CYTH3: variants seen among roughly 807,000 people sequenced by gnomAD.
CYTH3 encodes cytohesin 3.
Under a neutral mutation model 55.1 loss-of-function variants are expected in CYTH3, and 23 were observed. The ratio of observed to expected loss-of-function variants is 0.42; its 90% CI spans 0.30 to 0.59. The LOEUF (loss-of-function observed/expected upper bound fraction) is 0.59. CYTH3 is among the 20% of genes least tolerant of loss of function. The pLI is 0.20. For synonymous variants in CYTH3, 249 were observed against 194.9 expected (o/e 1.28, Z -2.31); for missense variants, 413 against 524.8 (o/e 0.79, Z 2.08).
intron 1 of CYTH3, among the ~76,000 whole-genome samples, chr7:6,201,407 C>A (rs1784056874): frequency 6.6e-6 from 1 of 152,234 alleles, no homozygotes; most frequent in East Asian, 1.9e-4. Context: ...TCTCCTCAAT[C>A]TCCATGTGGT....
At chr7:6,175,835 C>T (rs1360298899) in intron 5 of CYTH3, among the ~76,000 whole-genome samples, 2 of 152,108 alleles carry the variant, frequency 1.3e-5, no homozygotes, top group Non-Finnish European at 2.9e-5. Context: ...AGTGAGTCAC[C>T]GTGCCTGGCC....
At chr7:6,264,410 G>A (rs570866198) in intron 1 of CYTH3, among the ~76,000 whole-genome samples, 1 of 152,048 alleles carries the variant, frequency 6.6e-6, no homozygotes, top group South Asian at 2.1e-4. Flanking sequence ...TCAGGAGTTC[G>A]AGAGCAGCCT....
intron 1 of CYTH3, among the ~76,000 whole-genome samples, chr7:6,259,773 T>TATATATATA (rs369784316): frequency 4.5e-5 from 1 of 22,296 alleles, no homozygotes; most frequent in African/African-American, 6.2e-4. Context: ...ATATATATAT[T>TATATATATA]ATATATATAT....
At chr7:6,174,038 A>C (rs1415020684) in intron 5 of CYTH3, among the ~76,000 whole-genome samples, 1 of 151,682 alleles carries the variant, frequency 6.6e-6, no homozygotes, top group Non-Finnish European at 1.5e-5. Flanking sequence ...CTAAGAGTGG[A>C]ATTACTGGGT....
intron 1 of CYTH3, among the ~76,000 whole-genome samples, chr7:6,265,494 C>T (rs951048826): frequency 1.3e-5 from 2 of 151,852 alleles, no homozygotes; most frequent in Admixed American, 6.6e-5. Flanking sequence ...TGGCACGCGC[C>T]TGTAGTCCCA....
chr7:6,165,483 C>A lies in CYTH3; in HGVS notation c.973-56G>T, dbSNP rs527902425. 3.7e-4 allele frequency: 588 copies of A among 1,609,126 alleles called. 12 individuals are homozygous for A. In the South Asian group the frequency reaches 6.2e-3, roughly 17 times the overall value. On this transcript the variant is annotated intron_variant, in intron 11 of 12. Transcript: ENST00000350796. ...AGGGGGGCTTGGGGCAGGTTCCCTG[C>A]AGGCAGTGAGGATGGCTCCCAGGTG...
chr7:6,173,574 A>G (rs1436559931), intron 6 of CYTH3, 79 bp downstream of exon 6: 22 of 909,796 alleles, frequency 2.4e-5, no homozygotes, highest in African/African-American at 3.3e-5. Flanking sequence ...CCTGGAGTCA[A>G]TTCACCGCCA....
intron 2 of CYTH3, among the ~76,000 whole-genome samples, chr7:6,188,347 AC>A (rs1783711032): frequency 6.6e-6 from 1 of 151,570 alleles, no homozygotes; most frequent in Non-Finnish European, 1.5e-5. Flanking sequence ...TTTAAAAAAA[AC>A]AAAAAAACAA....
chr7:6,215,508 T>C (rs184763841), intron 1 of CYTH3, among the ~76,000 whole-genome samples: 1 of 147,264 alleles, frequency 6.8e-6, no homozygotes, highest in Non-Finnish European at 1.5e-5. Context: ...GAGAATGGCG[T>C]GAACCCAGGA....
chr7:6,185,285 T>C (rs1299287597), intron 4 of CYTH3, among the ~76,000 whole-genome samples: 1 of 152,190 alleles, frequency 6.6e-6, no homozygotes, highest in Non-Finnish European at 1.5e-5. Context: ...GTGCTGGGCC[T>C]TAAGAAAATC....
chr7:6,255,086 A>G (rs988326713), intron 1 of CYTH3, among the ~76,000 whole-genome samples: 2 of 152,212 alleles, frequency 1.3e-5, no homozygotes, highest in Non-Finnish European at 2.9e-5. Flanking sequence ...TACTATTACA[A>G]TCGTCGAGAT....
Position 6,171,235 on chromosome 7 carries a change from A to G in CYTH3, c.529T>C (p.Cys177Arg). 6.2e-7 allele frequency: 1 copy of G among 1,614,178 alleles called. No individual in the cohort carries two copies. The change falls in exon 7 of 13, where the codon TGC becomes CGC. Residue 177 changes from cysteine (C) to arginine (R), a missense_variant. Physicochemically the swap from Cys to Arg is radical, Grantham distance 180 (BLOSUM62 -3). Transcript: ENST00000350796. The surrounding 1 kb of genome is among the most constrained non-coding windows in gnomAD (Gnocchi z 6.7). Reference sequence around the variant, plus strand: ...TGGAAGACCCCGGGGTTGCACAGGCAGTAGCGAGAAGCGAAAGCCTCCATC... The same window carrying G: ...TGGAAGACCCCGGGGTTGCACAGGCGGTAGCGAGAAGCGAAAGCCTCCATC... ...RMMEAFASRY[C>R]LCNPGVFQST...
intron 1 of CYTH3, among the ~76,000 whole-genome samples, chr7:6,191,228 G>A (rs979280348): frequency 4.6e-5 from 7 of 151,916 alleles, no homozygotes; most frequent in Non-Finnish European, 7.4e-5. Context: ...CAGGAGGATC[G>A]CTTGAGCCCA....
chr7:6,179,028 G>C (rs980213738), intron 4 of CYTH3, among the ~76,000 whole-genome samples: 12 of 152,226 alleles, frequency 7.9e-5, no homozygotes, highest in Admixed American at 3.9e-4. Context: ...AAGACTCTCA[G>C]TACCCAAGAC....
intron 1 of CYTH3, 110 bp from the exon 2 acceptor site, chr7:6,190,641 T>C (rs1009194198): frequency 1.2e-6 from 1 of 822,652 alleles, no homozygotes; most frequent in East Asian, 2.8e-5. Flanking sequence ...CAGGTATTTA[T>C]CCTAAAGAAA....
chr7:6,242,032 T>C (rs1779685533), intron 1 of CYTH3, among the ~76,000 whole-genome samples: 2 of 152,120 alleles, frequency 1.3e-5, no homozygotes, highest in African/African-American at 2.4e-5. Context: ...TGTAACACAA[T>C]AAACACACCT....
chr7:6,238,759 C>G (rs1023528843), intron 1 of CYTH3, among the ~76,000 whole-genome samples: 2 of 152,110 alleles, frequency 1.3e-5, no homozygotes, highest in African/African-American at 4.8e-5. Flanking sequence ...TGAAGGGTGT[C>G]GACAGCCGGG....
At chr7:6,259,734 C>T (rs1418698657) in intron 1 of CYTH3, among the ~76,000 whole-genome samples, 38 of 61,968 alleles carry the variant, frequency 6.1e-4, no homozygotes, top group African/African-American at 3.1e-3. Flanking sequence ...ATTTTACATA[C>T]ATATATATAA....
chr7:6,195,950 C>G (rs1439063552), intron 1 of CYTH3, among the ~76,000 whole-genome samples: 1 of 152,210 alleles, frequency 6.6e-6, no homozygotes, highest in Non-Finnish European at 1.5e-5. Flanking sequence ...AGTCATGCAA[C>G]ATGCTATTGG....
Sources: gnomAD v4.1 joint callset for allele counts (sites outside exome capture counted in the v4.1 genomes callset) on GRCh38, gnomAD v4.1.1 for gene constraint, Gnocchi (gnomAD v3.1) non-coding constraint, MANE v1.5 for transcripts, NCBI Gene and HGNC (gene_info 2026-07-23, HGNC 2026-07-21) for gene names.